Variants in ASCC1 observed in about 807,000 individuals in gnomAD.
ASCC1 encodes the protein ASC-1 complex subunit P50.
In ASCC1, 35 loss-of-function variants were observed where a neutral mutation model predicts 46.6. The observed-to-expected ratio is 0.75, with a 90% CI of 0.57 to 0.99. The LOEUF (loss-of-function observed/expected upper bound fraction) is 0.99, where lower values mean the gene tolerates loss of function less well. Ranked by LOEUF, ASCC1 falls within the 50% of genes least tolerant of loss-of-function variation. ASCC1 has a pLI of 0.00. For synonymous variants in ASCC1, 143 were observed against 146.6 expected (o/e 0.98, Z 0.18); for missense variants, 376 against 428.7 (o/e 0.88, Z 1.09).
At chr10:72,179,539 G>A (rs911399845) in intron 5 of ASCC1, among the ~76,000 whole-genome samples, 2 of 152,148 alleles carry the variant, frequency 1.3e-5, no homozygotes, top group African/African-American at 4.8e-5. Context: ...TTGGATTAGA[G>A]CAGATGCTAG....
chr10:72,158,566 T>C (rs990689541), intron 6 of ASCC1, among the ~76,000 whole-genome samples: 4 of 152,148 alleles, frequency 2.6e-5, no homozygotes, highest in African/African-American at 4.8e-5. Flanking sequence ...CACTGAAAAA[T>C]TGAAACAAAA....
chr10:72,120,987 G>T (rs1844130271), intron 9 of ASCC1, among the ~76,000 whole-genome samples: 1 of 152,076 alleles, frequency 6.6e-6, no homozygotes. Flanking sequence ...ATACAAAACA[G>T]TAACATATAT....
chr10:72,152,193 G>GTT (rs1436656938), intron 7 of ASCC1, among the ~76,000 whole-genome samples: 4 of 138,714 alleles, frequency 2.9e-5, no homozygotes, highest in African/African-American at 1.1e-4. Context: ...TTTGTTTTTT[G>GTT]TGTTTTTTTT....
chr10:72,102,331 T>C, intron 9 of ASCC1: 1 of 1,548,622 alleles, frequency 6.5e-7, no homozygotes, highest in South Asian at 1.2e-5. Context: ...GGCTGTATCT[T>C]ACCCACTAGC....
chr10:72,188,377 C>G (rs1198143085), intron 5 of ASCC1, among the ~76,000 whole-genome samples: 2 of 152,052 alleles, frequency 1.3e-5, no homozygotes, highest in Non-Finnish European at 2.9e-5. Flanking sequence ...CCTCGGCCTC[C>G]CAAAGTGCTG....
At chr10:72,195,694 T>A (rs1238996088) in intron 5 of ASCC1, among the ~76,000 whole-genome samples, 1 of 151,582 alleles carries the variant, frequency 6.6e-6, no homozygotes, top group Non-Finnish European at 1.5e-5. Context: ...ATTAGCCGGG[T>A]ATGGTGGCGC....
chr10:72,131,872 GA>G (rs1462756506), intron 8 of ASCC1, among the ~76,000 whole-genome samples: 3 of 133,398 alleles, frequency 2.2e-5, no homozygotes, highest in South Asian at 4.9e-4. Context: ...CCTCTAGATA[GA>G]TTTTTTTTTT....
At chr10:72,157,394 C>T (rs2132632909) in intron 6 of ASCC1, among the ~76,000 whole-genome samples, 1 of 152,262 alleles carries the variant, frequency 6.6e-6, no homozygotes, top group Middle Eastern at 3.4e-3. Context: ...AAGCTCTCAC[C>T]CTGCATAGTT....
intron 5 of ASCC1, among the ~76,000 whole-genome samples, chr10:72,192,518 C>G (rs1225798156): frequency 6.6e-6 from 1 of 151,910 alleles, no homozygotes; most frequent in Non-Finnish European, 1.5e-5. Flanking sequence ...TTTGTTGAGA[C>G]AGTCTCACTT....
chr10:72,137,926 C>T (rs867381125), intron 7 of ASCC1, among the ~76,000 whole-genome samples: 11 of 152,060 alleles, frequency 7.2e-5, no homozygotes, highest in Middle Eastern at 3.4e-3. Context: ...TGCAGTGGCA[C>T]GATCTCAGCT....
chr10:72,210,877 T>C (rs1857987259), intron 2 of ASCC1, 46 bp from the exon 3 acceptor site: 1 of 1,579,582 alleles, frequency 6.3e-7, no homozygotes, highest in African/African-American at 1.3e-5. Context: ...TGTTGCTCTG[T>C]GGACAACAGC....
intron 7 of ASCC1, among the ~76,000 whole-genome samples, chr10:72,142,614 G>A (rs368396708): frequency 3.3e-5 from 5 of 152,036 alleles, no homozygotes; most frequent in South Asian, 2.1e-4. Flanking sequence ...TGATCTGCCC[G>A]CCTCAGCCTC....
chr10:72,112,683 A>G (rs1284056016), intron 9 of ASCC1, among the ~76,000 whole-genome samples: 3 of 151,974 alleles, frequency 2.0e-5, no homozygotes, highest in Non-Finnish European at 4.4e-5. Flanking sequence ...GTAGTTCAAG[A>G]CCAGCCAGGC....
At chr10:72,178,785 A>C (rs1197447463) in intron 5 of ASCC1, among the ~76,000 whole-genome samples, 1 of 152,216 alleles carries the variant, frequency 6.6e-6, no homozygotes, top group Non-Finnish European at 1.5e-5. Context: ...GAAAACTCAT[A>C]AGGTAGGGTA....
At chr10:72,200,297 C>T (rs1159358206) in intron 4 of ASCC1, among the ~76,000 whole-genome samples, 4 of 151,988 alleles carry the variant, frequency 2.6e-5, no homozygotes, top group Non-Finnish European at 4.4e-5. Flanking sequence ...TCCATGTATA[C>T]CTTATATATA....
chr10:72,105,756 G>T (rs1842280152), intron 9 of ASCC1, among the ~76,000 whole-genome samples: 1 of 152,098 alleles, frequency 6.6e-6, no homozygotes, highest in African/African-American at 2.4e-5. Context: ...TACACTGAAA[G>T]AAAACAAATA....
chr10:72,155,654 T>C (rs948581527), intron 6 of ASCC1, among the ~76,000 whole-genome samples: 4 of 152,232 alleles, frequency 2.6e-5, no homozygotes, highest in Admixed American at 1.3e-4. Flanking sequence ...TTTTTGTGTA[T>C]CTGTAATTAC....
At chr10:72,127,219 G>C (rs1844967920) in intron 9 of ASCC1, among the ~76,000 whole-genome samples, 1 of 152,288 alleles carries the variant, frequency 6.6e-6, no homozygotes. Flanking sequence ...CAGAGCAAGT[G>C]AAAAGAAGAA....
At chr10:72,208,551 G>A (rs1403317030) in intron 3 of ASCC1, among the ~76,000 whole-genome samples, 2 of 152,054 alleles carry the variant, frequency 1.3e-5, no homozygotes, top group Non-Finnish European at 2.9e-5. Context: ...CCTGAGGTCA[G>A]GAGGTCGAGA....
Sources: gnomAD v4.1 joint callset for allele counts (sites outside exome capture counted in the v4.1 genomes callset) on GRCh38, gnomAD v4.1.1 for gene constraint, MANE v1.5 for transcripts, NCBI Gene and HGNC (gene_info 2026-07-23, HGNC 2026-07-21) for gene names.